The following CPXM2 variants were observed in gnomAD, a reference collection of about 807,000 sequenced individuals.
CPXM2 encodes the protein carboxypeptidase X, M14 family member 2, also known as inactive carboxypeptidase-like protein X2.
CPXM2 carries 66 observed loss-of-function variants against 86.1 expected under a neutral mutation model. That is an observed-to-expected ratio of 0.77 (90% CI 0.63 to 0.94). CPXM2 has a LOEUF of 0.94. CPXM2 is among the 40% of genes least tolerant of loss of function. CPXM2 has a pLI of 0.00. For synonymous variants in CPXM2, 388 were observed against 400.2 expected (o/e 0.97, Z 0.36); for missense variants, 948 against 1,026.3 (o/e 0.92, Z 1.04).
At chr10:123,907,779 G>A (rs1447386899) in intron 2 of CPXM2, among the ~76,000 whole-genome samples, 5 of 147,116 alleles carry the variant, frequency 3.4e-5, no homozygotes, top group South Asian at 4.4e-4. Flanking sequence ...CCACCCAGAT[G>A]TACACTGAAG....
At chr10:123,894,071 T>C (rs1208798544), upstream of CPXM2, among the ~76,000 whole-genome samples, 1 of 152,252 alleles carries the variant, frequency 6.6e-6, no homozygotes, top group Non-Finnish European at 1.5e-5. Context: ...CCTCTCATTT[T>C]ACACAGGATC....
At chr10:123,820,617 C>T (rs1263960241) in intron 4 of CPXM2, among the ~76,000 whole-genome samples, 1 of 152,212 alleles carries the variant, frequency 6.6e-6, no homozygotes, top group Non-Finnish European at 1.5e-5. Context: ...TAGAATCTAA[C>T]ATAGCTCTCC....
rs142434093 is a variant in CPXM2, at chr10:123,813,719, T to G, written c.654-14520A>C. On this transcript the variant is annotated intron_variant, in intron 4 of 13. Coordinates refer to ENST00000241305, the MANE Select transcript of CPXM2 (RefSeq NM_198148.3). ...TAGTGAATTTTTCTAATGACTGTAA[T>G]GTCAGTTGTCTTCAATAATTAGAGA... Among the ~76,000 whole-genome samples, 1,017 of 152,372 alleles carry G rather than the reference T, an allele frequency of 6.7e-3. 11 individuals carry two copies. The highest frequency in any genetic ancestry group is 0.023 in the African/African-American group (942 of 41,592).
intron 2 of CPXM2, 73 bp from the exon 3 acceptor site, chr10:123,862,796 G>T: frequency 1.5e-6 from 2 of 1,340,192 alleles, no homozygotes; most frequent in Non-Finnish European, 2.1e-6. Context: ...TTCTAAATCT[G>T]GCCGCGTGCT....
At chr10:123,920,967 C>T (rs973058441) in intron 2 of CPXM2, among the ~76,000 whole-genome samples, 9 of 152,176 alleles carry the variant, frequency 5.9e-5, no homozygotes, top group Admixed American at 3.3e-4. Flanking sequence ...GCCTCCAGAA[C>T]TCTCAGAAAT....
intron 4 of CPXM2, among the ~76,000 whole-genome samples, chr10:123,830,900 G>T (rs2134131365): frequency 1.4e-5 from 2 of 143,764 alleles, no homozygotes; most frequent in South Asian, 4.5e-4. Context: ...GTGTGTGTGT[G>T]TGTGTGTGTC....
intron 2 of CPXM2, among the ~76,000 whole-genome samples, chr10:123,867,527 CTTTTTT>C (rs34482126): frequency 6.5e-5 from 6 of 92,924 alleles, no homozygotes; most frequent in Non-Finnish European, 1.0e-4. Context: ...AGATTTCTTT[CTTTTTT>C]TTTTTTTTTT....
chr10:123,872,379 A>G (rs1314647447), intron 2 of CPXM2, among the ~76,000 whole-genome samples: 1 of 152,216 alleles, frequency 6.6e-6, no homozygotes, highest in Admixed American at 6.5e-5. Flanking sequence ...ATACAACAAC[A>G]TAGACAAATC....
At chr10:123,751,530 G>A in intron 13 of CPXM2, 1 of 985,346 alleles carries the variant, frequency 1.0e-6, no homozygotes, top group Non-Finnish European at 1.2e-6. Context: ...CCCAAAGAAT[G>A]TCCACACAGG....
rs954153395 is a variant in CPXM2, at chr10:123,814,377, G to A, written c.654-15178C>T. Among the ~76,000 whole-genome samples, 11 of 152,102 alleles carry A rather than the reference G, an allele frequency of 7.2e-5. No homozygotes were observed. The South Asian group carries it at 8.3e-4, about 11-fold the overall frequency. ...ACTGTGCTGGATGCTTCCTGCCCTC[G>A]AATATCAGACTCCAAGTTCTTCAGT... is the stretch of plus-strand genomic sequence containing the variant. On this transcript the variant is annotated intron_variant, in intron 4 of 13. Transcript: ENST00000241305.
At chr10:123,926,422 T>C (rs1328689487) in intron 2 of CPXM2, among the ~76,000 whole-genome samples, 1 of 152,246 alleles carries the variant, frequency 6.6e-6, no homozygotes, top group Non-Finnish European at 1.5e-5. Flanking sequence ...ATTGGAATCA[T>C]CTGTGTGTCT....
intron 7 of CPXM2, among the ~76,000 whole-genome samples, chr10:123,774,664 T>C (rs1225872090): frequency 6.6e-6 from 1 of 152,208 alleles, no homozygotes; most frequent in African/African-American, 2.4e-5. Context: ...ACTCTCTTAC[T>C]GCTCCAGGGG....
chr10:123,811,352 AG>A (rs774659520), intron 4 of CPXM2, among the ~76,000 whole-genome samples: 45 of 151,930 alleles, frequency 3.0e-4, no homozygotes, highest in Non-Finnish European at 5.0e-4. Context: ...CCTGTGTCCA[AG>A]TGTTCTCATT....
chr10:123,787,885 G>C (rs113405757), intron 6 of CPXM2, among the ~76,000 whole-genome samples: 2 of 152,160 alleles, frequency 1.3e-5, no homozygotes, highest in Middle Eastern at 3.4e-3. Flanking sequence ...TGATTACTCC[G>C]GGTTTGTAGC....
chr10:123,897,249 C>T (rs536500773), intron 2 of CPXM2, among the ~76,000 whole-genome samples: 4 of 152,256 alleles, frequency 2.6e-5, no homozygotes, highest in Middle Eastern at 3.4e-3. Flanking sequence ...TCCCTGACCA[C>T]ACCTCTGCAC....
intron 6 of CPXM2, among the ~76,000 whole-genome samples, chr10:123,787,174 T>A (rs938769263): frequency 1.3e-5 from 2 of 152,138 alleles, no homozygotes; most frequent in Non-Finnish European, 1.5e-5. Context: ...GCAGCTGGGC[T>A]GTGAGCTATG....
Position 123,923,379 on chromosome 10 carries a change from G to C in CPXM2, n.174+16098C>G, listed in dbSNP as rs1425467398. On this transcript the variant is annotated intron_variant and non_coding_transcript_variant, in intron 2 of 19. Transcript: ENST00000368854. Reference sequence around the variant, plus strand: ...GCGGATCACGAGGTCAGGAGATCGAGACCATCCTGGCTAACACAGTGAAAC... The same window carrying C: ...GCGGATCACGAGGTCAGGAGATCGACACCATCCTGGCTAACACAGTGAAAC... Among the ~76,000 whole-genome samples, 93 of 150,530 alleles carry C rather than the reference G, an allele frequency of 6.2e-4. 2 individuals carry two copies. Among genetic ancestry groups the C allele is most frequent in the Non-Finnish European group, 2.1e-4 (14 of 67,648 alleles).
intron 2 of CPXM2, 27 bp from the exon 3 acceptor site, chr10:123,862,750 A>G: frequency 2.5e-6 from 4 of 1,574,082 alleles, no homozygotes; most frequent in Non-Finnish European, 3.5e-6. Context: ...CTTGTTAAAA[A>G]CAACGACAGA....
chr10:123,916,248 C>G (rs1226832627), intron 2 of CPXM2, among the ~76,000 whole-genome samples: 8 of 152,150 alleles, frequency 5.3e-5, no homozygotes, highest in Non-Finnish European at 1.2e-4. Flanking sequence ...TATGTGGGAT[C>G]AGAGGCAGCT....
Sources: gnomAD v4.1 joint callset for allele counts (sites outside exome capture counted in the v4.1 genomes callset) on GRCh38, gnomAD v4.1.1 for gene constraint, MANE v1.5 for transcripts, NCBI Gene and HGNC (gene_info 2026-07-23, HGNC 2026-07-21) for gene names.